The following KIAA1549L variants were observed in gnomAD, a reference collection of about 807,000 sequenced individuals.
KIAA1549L encodes the protein KIAA1549 like, also known as UPF0606 protein KIAA1549L.
In KIAA1549L, 88 loss-of-function variants were observed where a neutral mutation model predicts 160.7. The observed-to-expected ratio is 0.55, with a 90% CI of 0.46 to 0.65. KIAA1549L has a LOEUF of 0.65. Among genes scored for constraint, KIAA1549L ranks in the 30% least tolerant of loss-of-function variants. The probability of loss-of-function intolerance (pLI) is 0.00; values close to 1 mark genes in which losing one functional copy is unlikely to be tolerated. For synonymous variants in KIAA1549L, 950 were observed against 976.7 expected (o/e 0.97, Z 0.51); for missense variants, 2,258 against 2,437.5 (o/e 0.93, Z 1.55).
intron 16 of KIAA1549L, among the ~76,000 whole-genome samples, chr11:33,628,244 A>G (rs1356153528): frequency 6.6e-6 from 1 of 150,932 alleles, no homozygotes; most frequent in African/African-American, 2.5e-5. Context: ...TGTGGTGGTG[A>G]AAAAAATGTA....
At chr11:33,489,265 A>G (rs1771766830) in intron 1 of KIAA1549L, among the ~76,000 whole-genome samples, 1 of 152,198 alleles carries the variant, frequency 6.6e-6, no homozygotes, top group African/African-American at 2.4e-5. Context: ...CCCACCTTAT[A>G]GATCACTGCC....
At chr11:33,461,344 A>G (rs902259204) in intron 1 of KIAA1549L, among the ~76,000 whole-genome samples, 2 of 152,146 alleles carry the variant, frequency 1.3e-5, no homozygotes, top group Non-Finnish European at 2.9e-5. Context: ...GGTAGCTGCT[A>G]TCATCCTCAT....
At chr11:33,585,023 G>T (rs138403279) in intron 11 of KIAA1549L, among the ~76,000 whole-genome samples, 1 of 152,182 alleles carries the variant, frequency 6.6e-6, no homozygotes, top group African/African-American at 2.4e-5. Context: ...AGAAATCAAA[G>T]GATTTTTATT....
intron 1 of KIAA1549L, among the ~76,000 whole-genome samples, chr11:33,456,139 G>A (rs1013441749): frequency 1.3e-5 from 2 of 152,144 alleles, no homozygotes; most frequent in African/African-American, 4.8e-5. Flanking sequence ...AATGAAAAGA[G>A]GAGAAACTAA....
In KIAA1549L at chr11:33,506,752, A is replaced by C. The variant is rs113684170; in HGVS notation, c.239-35050A>C. On this transcript the variant is annotated intron_variant, in intron 1 of 20. Coordinates refer to ENST00000658780, the MANE Select transcript of KIAA1549L (RefSeq NM_012194.3). ...AAATTGAACAACAACAACAAAAAAC[A>C]TTCAGATGAAAGCCCATTGGAAGAA... Among the ~76,000 whole-genome samples, 3 of 152,222 alleles carry C rather than the reference A, an allele frequency of 2.0e-5. 1 individual carries two copies. Among genetic ancestry groups the C allele is most frequent in the African/African-American group, 7.2e-5 (3 of 41,546 alleles).
Position 33,543,030 on chromosome 11 carries a change from G to A in KIAA1549L, c.1467G>A (p.Ala489=), listed in dbSNP as rs893175233. The A allele has an allele frequency of 1.2e-5, 19 of 1,613,824 alleles. No homozygotes were observed. The highest frequency in any genetic ancestry group is 1.6e-5 in the Non-Finnish European group (19 of 1,179,904). ...AAGAGCAAGCCATCCTTTCTGGGGC[G>A]GTTCCCGCATCACCATCAACTGGGA... ...LGQEQAILSG[A]VPASPSTGTA... is the part of the protein sequence containing the mutation. The change falls in exon 2 of 21, where the codon GCG becomes GCA. Residue 489 remains alanine (A), a synonymous_variant. Coordinates refer to ENST00000658780, the MANE Select transcript of KIAA1549L (RefSeq NM_012194.3).
chr11:33,378,924 T>C (rs1026596328), intron 1 of KIAA1549L, among the ~76,000 whole-genome samples: 15 of 152,174 alleles, frequency 9.9e-5, no homozygotes, highest in African/African-American at 1.4e-4. Flanking sequence ...CTAAGGGGTT[T>C]GTGGGAAGAA....
intron 1 of KIAA1549L, among the ~76,000 whole-genome samples, chr11:33,475,621 G>C (rs1175379969): frequency 6.6e-6 from 1 of 151,754 alleles, no homozygotes; most frequent in African/African-American, 2.4e-5. Flanking sequence ...AGGAGGCAGA[G>C]GCAGGAGGAT....
At chr11:33,607,414 C>G (rs1045894312) in intron 14 of KIAA1549L, among the ~76,000 whole-genome samples, 2 of 152,086 alleles carry the variant, frequency 1.3e-5, no homozygotes, top group Non-Finnish European at 2.9e-5. Context: ...ATGATTTCAT[C>G]AAAGAAAATT....
chr11:33,427,300 T>G (rs1851137484), intron 1 of KIAA1549L, among the ~76,000 whole-genome samples: 4 of 152,188 alleles, frequency 2.6e-5, no homozygotes, highest in Admixed American at 2.6e-4. Flanking sequence ...CCTGGCTGCC[T>G]GAATCCTGCC....
chr11:33,650,710 C>T (rs1851859516), intron 17 of KIAA1549L, among the ~76,000 whole-genome samples: 1 of 152,112 alleles, frequency 6.6e-6, no homozygotes, highest in South Asian at 2.1e-4. Context: ...TCACTCTGTC[C>T]CTTGCTCTGT....
At chr11:33,443,148 T>C (rs141665757) in intron 1 of KIAA1549L, among the ~76,000 whole-genome samples, 4 of 152,158 alleles carry the variant, frequency 2.6e-5, no homozygotes, top group African/African-American at 9.7e-5. Flanking sequence ...CTGATGACTT[T>C]CATTTAGAGT....
chr11:33,639,317 G>A (rs1484973740), intron 16 of KIAA1549L, among the ~76,000 whole-genome samples: 1 of 152,100 alleles, frequency 6.6e-6, no homozygotes, highest in Admixed American at 6.5e-5. Flanking sequence ...AGAATTCCAG[G>A]TGCTTCCTCT....
chr11:33,518,069 G>A lies in KIAA1549L; in HGVS notation c.239-23733G>A, dbSNP rs550516698. ...GCAGATAATTGCTTGAACCCAGGAG[G>A]CAGAGGTTGCAGTGAGCTGAGATTA... is the stretch of plus-strand genomic sequence containing the variant. On this transcript the variant is annotated intron_variant, in intron 1 of 20. Coordinates refer to ENST00000658780, the MANE Select transcript of KIAA1549L (RefSeq NM_012194.3). Among the ~76,000 whole-genome samples, 630 of 141,998 alleles carry A rather than the reference G, an allele frequency of 4.4e-3. 8 individuals carry two copies. Among genetic ancestry groups the A allele is most frequent in the African/African-American group, 0.016 (597 of 37,730 alleles). 93.2% of individuals were successfully genotyped at this position (141,998 alleles called of 152,430 possible).
At chr11:33,633,327 T>G (rs1325137313) in intron 16 of KIAA1549L, among the ~76,000 whole-genome samples, 2 of 151,808 alleles carry the variant, frequency 1.3e-5, no homozygotes, top group Non-Finnish European at 2.9e-5. Flanking sequence ...GTTGGCCCAT[T>G]CTGAAGGGAA....
At chr11:33,657,023 C>G (rs1462042393) in intron 18 of KIAA1549L, among the ~76,000 whole-genome samples, 5 of 152,082 alleles carry the variant, frequency 3.3e-5, no homozygotes, top group African/African-American at 1.2e-4. Context: ...CCAGGGTTCC[C>G]CAGAAAGGGG....
At chr11:33,555,451 A>G (rs1215002336) in intron 6 of KIAA1549L, among the ~76,000 whole-genome samples, 1 of 152,238 alleles carries the variant, frequency 6.6e-6, no homozygotes, top group East Asian at 1.9e-4. Flanking sequence ...TAGTGCTGGC[A>G]TAAAGGCAGA....
At chr11:33,517,976 C>T (rs539529610) in intron 1 of KIAA1549L, among the ~76,000 whole-genome samples, 2 of 151,908 alleles carry the variant, frequency 1.3e-5, no homozygotes, top group East Asian at 3.9e-4. Flanking sequence ...CCCATCTCTA[C>T]TCAAAATACA....
At chr11:33,384,561 G>A (rs1850134928) in intron 1 of KIAA1549L, among the ~76,000 whole-genome samples, 1 of 152,216 alleles carries the variant, frequency 6.6e-6, no homozygotes, top group Admixed American at 6.5e-5. Context: ...CATTAGCAAT[G>A]TATGAGAGTT....
Sources: gnomAD v4.1 joint callset for allele counts (sites outside exome capture counted in the v4.1 genomes callset) on GRCh38, gnomAD v4.1.1 for gene constraint, MANE v1.5 for transcripts, NCBI Gene and HGNC (gene_info 2026-07-23, HGNC 2026-07-21) for gene names.